The following ANKFN1 variants were observed in gnomAD, a reference collection of about 807,000 sequenced individuals.
The protein encoded by ANKFN1 is ankyrin repeat and fibronectin type-III domain-containing protein 1.
In ANKFN1, 74 loss-of-function variants were observed where a neutral mutation model predicts 108.7. The observed-to-expected ratio is 0.68, with a 90% CI of 0.56 to 0.83. The LOEUF is 0.83. Among genes scored for constraint, ANKFN1 ranks in the 40% least tolerant of loss-of-function variants. The pLI is 0.00. For synonymous variants in ANKFN1, 547 were observed against 516.2 expected (o/e 1.06, Z -0.81); for missense variants, 1,505 against 1,382.3 (o/e 1.09, Z -1.41).
rs766020961 is a variant in ANKFN1 at position 56,449,088 on chromosome 17, A to C, written c.1109A>C (p.Asp370Ala). Residue 370 changes from aspartate (D) to alanine (A), a missense_variant, in exon 11 of 21, where the codon GAC (aspartate) becomes GCC (alanine). Physicochemically the swap from Asp to Ala is moderately radical, Grantham distance 126 (BLOSUM62 -2). Coordinates refer to ENST00000682825, the MANE Select transcript of ANKFN1 (RefSeq NM_001370326.1). ...TTCTTTTGTTCAATAGACTGGAAAG[A>C]CTATGACGACAGAGAGCCCAGACAC... ...PACASPSNWK[D>A]YDDREPRHKG... The C allele has an allele frequency of 2.5e-6, 4 of 1,613,084 alleles. No homozygotes were observed. The South Asian group carries it at 3.3e-5, about 13-fold the overall frequency.
At chr17:56,132,157 A>T (rs1907319417) in intron 4 of ANKFN1, among the ~76,000 whole-genome samples, 1 of 152,236 alleles carries the variant, frequency 6.6e-6, no homozygotes, top group African/African-American at 2.4e-5. Context: ...CTGATCACTT[A>T]GTGCAAACAA....
chr17:56,471,646 AAAC>A (rs2050320698), intron 15 of ANKFN1: 1 of 152,256 alleles, frequency 6.6e-6, no homozygotes, highest in Admixed American at 6.5e-5. Flanking sequence ...ACTAGATGGC[AAAC>A]AACTGACGAA....
chr17:56,092,395 C>T (rs908126338), intron 4 of ANKFN1, among the ~76,000 whole-genome samples: 2 of 149,706 alleles, frequency 1.3e-5, no homozygotes, highest in Non-Finnish European at 3.0e-5. Flanking sequence ...CTGCCTCAGC[C>T]TCCCGAGTAG....
chr17:56,061,162 G>T (rs1904967165), intron 4 of ANKFN1, among the ~76,000 whole-genome samples: 1 of 151,956 alleles, frequency 6.6e-6, no homozygotes, highest in African/African-American at 2.4e-5. Context: ...TTAGTCTTGG[G>T]AGGGTGTATG....
intron 3 of ANKFN1, among the ~76,000 whole-genome samples, chr17:56,245,987 A>G (rs1917927590): frequency 1.3e-5 from 2 of 152,264 alleles, no homozygotes; most frequent in East Asian, 1.9e-4. Context: ...TCAAGTTAAA[A>G]TGGTCCTGCC....
intron 4 of ANKFN1, among the ~76,000 whole-genome samples, chr17:56,081,279 C>G (rs1251863707): frequency 6.6e-6 from 1 of 152,156 alleles, no homozygotes; most frequent in Non-Finnish European, 1.5e-5. Context: ...GAGGCCCAAG[C>G]TGGTGACTTG....
intron 4 of ANKFN1, among the ~76,000 whole-genome samples, chr17:56,086,373 C>G (rs1309801660): frequency 2.0e-5 from 3 of 151,272 alleles, no homozygotes; most frequent in Non-Finnish European, 4.4e-5. Flanking sequence ...CCATTGCACT[C>G]CAGCCTGGGC....
intron 1 of ANKFN1, among the ~76,000 whole-genome samples, chr17:56,182,263 T>C (rs1246329670): frequency 6.6e-6 from 1 of 152,142 alleles, no homozygotes; most frequent in East Asian, 1.9e-4. Flanking sequence ...GGAAGGCAGG[T>C]CGAAAGCCAA....
chr17:56,491,276 T>G (rs1275588486), intron 18 of ANKFN1, among the ~76,000 whole-genome samples: 1 of 151,794 alleles, frequency 6.6e-6, no homozygotes, highest in Non-Finnish European at 1.5e-5. Context: ...GTAAACAGAG[T>G]AAAAGAGGTT....
At chr17:56,084,121 A>T (rs1296375772) in intron 4 of ANKFN1, among the ~76,000 whole-genome samples, 1 of 151,130 alleles carries the variant, frequency 6.6e-6, no homozygotes, top group Non-Finnish European at 1.5e-5. Flanking sequence ...AGAAGCAGGA[A>T]ATCTTGACTT....
At chr17:56,334,584 A>G (rs994900079) in intron 4 of ANKFN1, among the ~76,000 whole-genome samples, 3 of 152,146 alleles carry the variant, frequency 2.0e-5, no homozygotes, top group African/African-American at 7.2e-5. Flanking sequence ...GTATTTGCTC[A>G]TTTAAAATTC....
At chr17:56,160,358 T>G (rs566835538) in intron 1 of ANKFN1, among the ~76,000 whole-genome samples, 7 of 152,348 alleles carry the variant, frequency 4.6e-5, no homozygotes, top group African/African-American at 1.4e-4. Flanking sequence ...AGGATCAGTG[T>G]GGTCCTTGTT....
chr17:56,199,204 T>C (rs1416785956), intron 1 of ANKFN1, among the ~76,000 whole-genome samples: 1 of 151,992 alleles, frequency 6.6e-6, no homozygotes, highest in Non-Finnish European at 1.5e-5. Context: ...TTGCTTTATG[T>C]TTTTTGTTGA....
intron 4 of ANKFN1, among the ~76,000 whole-genome samples, chr17:56,110,707 A>T (rs1905913352): frequency 1.3e-5 from 2 of 152,014 alleles, no homozygotes; most frequent in South Asian, 4.2e-4. Context: ...CCTGCTTTGA[A>T]CTCCTTCCTT....
chr17:56,187,147 C>A (rs1429072759), intron 1 of ANKFN1, among the ~76,000 whole-genome samples: 1 of 152,136 alleles, frequency 6.6e-6, no homozygotes, highest in Non-Finnish European at 1.5e-5. Context: ...AGTGAACAGG[C>A]AACCTACACA....
At chr17:56,079,679 G>A (rs1905222337) in intron 4 of ANKFN1, among the ~76,000 whole-genome samples, 1 of 152,200 alleles carries the variant, frequency 6.6e-6, no homozygotes, top group African/African-American at 2.4e-5. Context: ...GAAGCTTCCT[G>A]CTCTAGGCAG....
At chr17:56,277,858 G>A (rs1207842391) in intron 3 of ANKFN1, among the ~76,000 whole-genome samples, 1 of 152,108 alleles carries the variant, frequency 6.6e-6, no homozygotes, top group African/African-American at 2.4e-5. Context: ...TGAGTCACAC[G>A]ATCTACAGTA....
chr17:56,097,529 T>C (rs1298593588), intron 4 of ANKFN1, among the ~76,000 whole-genome samples: 1 of 152,232 alleles, frequency 6.6e-6, no homozygotes, highest in African/African-American at 2.4e-5. Flanking sequence ...TGAAAGTTTG[T>C]TCTAGGCTTA....
At chr17:56,466,615 A>G in intron 15 of ANKFN1, 44 bp downstream of exon 15, 1 of 1,506,864 alleles carries the variant, frequency 6.6e-7, no homozygotes, top group Non-Finnish European at 9.0e-7. Context: ...TTAAGGTTCC[A>G]AACCCAATTA....
Sources: gnomAD v4.1 joint callset for allele counts (sites outside exome capture counted in the v4.1 genomes callset) on GRCh38, gnomAD v4.1.1 for gene constraint, MANE v1.5 for transcripts, NCBI Gene and HGNC (gene_info 2026-07-23, HGNC 2026-07-21) for gene names.